Variants in GDAP1 observed in about 807,000 individuals in gnomAD.
The protein encoded by GDAP1 is ganglioside induced differentiation associated protein 1.
A neutral mutation model predicts 40.1 loss-of-function variants in GDAP1; 34 were observed. The ratio of observed to expected loss-of-function variants is 0.85; its 90% CI spans 0.64 to 1.13. GDAP1 has a LOEUF of 1.13. Among genes scored for constraint, GDAP1 ranks in the 50% most tolerant of loss-of-function variants. The probability of loss-of-function intolerance (pLI) is 0.00; values close to 1 mark genes in which losing one functional copy is unlikely to be tolerated. For missense variants in GDAP1, 374 were observed against 433.7 expected (o/e 0.86, Z 1.22); for synonymous variants, 170 against 157.4 (o/e 1.08, Z -0.60).
At chr8:74,471,347 T>C (rs1260756319) in intron 2 of GDAP1, among the ~76,000 whole-genome samples, 1 of 152,038 alleles carries the variant, frequency 6.6e-6, no homozygotes, top group African/African-American at 2.4e-5. Flanking sequence ...TCACTTCATC[T>C]TTTTTCCCTG....
chr8:74,388,753 G>T (rs1239662083), intron 2 of GDAP1, among the ~76,000 whole-genome samples: 1 of 152,178 alleles, frequency 6.6e-6, no homozygotes, highest in Non-Finnish European at 1.5e-5. Flanking sequence ...CTGTCTTGTT[G>T]ATCTGTCTAA....
Position 74,364,513 on chromosome 8 carries a change from G to A in GDAP1, c.*146G>A, listed in dbSNP as rs1360713312. 1.2e-6 allele frequency: 1 copy of A among 841,434 alleles called. No individual in the cohort carries two copies. Among genetic ancestry groups the A allele is most frequent in the South Asian group, 1.4e-5 (1 of 72,190 alleles). 52.1% of individuals were successfully genotyped at this position (841,434 alleles called of 1,614,324 possible). A position where few individuals can be genotyped will look rare whatever the true frequency, so the allele number is the denominator to read the frequency against. ...GTCATCTTTGTTACACAACACAGGG[G>A]TTCAGGTAGCAATAGGACACAAAAT... On this transcript the variant is annotated 3_prime_UTR_variant, in exon 6 of 6. Transcript: ENST00000220822.
intron 2 of GDAP1, among the ~76,000 whole-genome samples, chr8:74,408,226 TA>T (rs1400554521): frequency 1.3e-5 from 2 of 150,106 alleles, no homozygotes; most frequent in Non-Finnish European, 2.9e-5. Flanking sequence ...GGACGGGCTT[TA>T]AAAAAAATTC....
At chr8:74,374,362 A>G (rs1809815962) in intron 2 of GDAP1, among the ~76,000 whole-genome samples, 1 of 152,200 alleles carries the variant, frequency 6.6e-6, no homozygotes, top group Non-Finnish European at 1.5e-5. Flanking sequence ...CTCCGGTAGA[A>G]TGGGAAATTT....
intron 2 of GDAP1, among the ~76,000 whole-genome samples, chr8:74,415,970 A>T (rs1445468602): frequency 6.7e-6 from 1 of 149,684 alleles, no homozygotes; most frequent in Non-Finnish European, 1.5e-5. Flanking sequence ...ATGGACTAGG[A>T]GGGTCATGGC....
chr8:74,384,399 G>T (rs1809996457), intron 2 of GDAP1, among the ~76,000 whole-genome samples: 1 of 151,972 alleles, frequency 6.6e-6, no homozygotes. Context: ...TTTTCTTCAG[G>T]TCTTTTCTTT....
Position 74,365,983 on chromosome 8 carries a change from T to C in GDAP1, c.*1616T>C, listed in dbSNP as rs1213062911. On this transcript the variant is annotated 3_prime_UTR_variant, in exon 6 of 6. Coordinates refer to ENST00000220822, the MANE Select transcript of GDAP1 (RefSeq NM_018972.4). ...ATTAGTTCATAGTGTTTGAGTTCTT[T>C]ATGTCACTCTGTTAGAAACAAGAAC... 4 of 451,842 alleles carry C rather than the reference T, an allele frequency of 8.9e-6. No individual in the cohort carries two copies. Among genetic ancestry groups the C allele is most frequent in the African/African-American group, 4.0e-5 (2 of 49,964 alleles). The allele number at this position is 451,842 out of a possible 1,614,324, so 28.0% of individuals were successfully genotyped here.
At chr8:74,408,170 GA>G (rs1451339118) in intron 2 of GDAP1, among the ~76,000 whole-genome samples, 3 of 150,026 alleles carry the variant, frequency 2.0e-5, no homozygotes, top group Non-Finnish European at 4.4e-5. Context: ...TCCAAAATAA[GA>G]AAAGAGGAAG....
At chr8:74,422,294 TTTC>T (rs1209478153) in intron 2 of GDAP1, among the ~76,000 whole-genome samples, 3 of 24,194 alleles carry the variant, frequency 1.2e-4, no homozygotes, top group African/African-American at 4.0e-4. Context: ...CTTTTCTTTC[TTTC>T]TTTCTTTCTT....
At chr8:74,360,388 G>A in intron 3 of GDAP1, 78 bp downstream of exon 3, 1 of 1,207,764 alleles carries the variant, frequency 8.3e-7, no homozygotes, top group Non-Finnish European at 1.2e-6. Context: ...CATGTCTCAT[G>A]GTCACTAAAA....
intron 2 of GDAP1, among the ~76,000 whole-genome samples, chr8:74,482,310 A>C (rs562933667): frequency 1.3e-5 from 2 of 152,178 alleles, no homozygotes; most frequent in Non-Finnish European, 2.9e-5. Flanking sequence ...TGAATATATC[A>C]GCAAATTATC....
intron 2 of GDAP1, among the ~76,000 whole-genome samples, chr8:74,407,115 A>G (rs1416425576): frequency 2.0e-5 from 3 of 150,102 alleles, no homozygotes; most frequent in Admixed American, 6.6e-5. Context: ...GTACAAAAGA[A>G]AACTACATGT....
Position 74,365,193 on chromosome 8 carries a change from T to A in GDAP1, c.*826T>A. 2.2e-6 allele frequency: 1 copy of A among 454,104 alleles called. No individual in the cohort carries two copies. The highest frequency in any genetic ancestry group is 1.6e-5 in the South Asian group (1 of 64,474). 28.1% of individuals were successfully genotyped at this position (454,104 alleles called of 1,614,324 possible). ...ATTGGCTGGGTAGTGGGTATTTTGA[T>A]GATCTGGGAGCACCAAATATGTTCA... On this transcript the variant is annotated 3_prime_UTR_variant, in exon 6 of 6. Transcript: ENST00000220822.
chr8:74,404,985 G>A (rs1805618617), intron 2 of GDAP1, among the ~76,000 whole-genome samples: 1 of 149,880 alleles, frequency 6.7e-6, no homozygotes, highest in South Asian at 2.1e-4. Flanking sequence ...CTAATACAAT[G>A]TAAATTATAT....
chr8:74,410,221 G>C lies in GDAP1; in HGVS notation c.165+58900G>C, dbSNP rs191131910. 2.5e-4 allele frequency among the ~76,000 whole-genome samples: 37 copies of C among 150,040 alleles called. No homozygotes were observed. In the East Asian group the frequency reaches 5.8e-3, roughly 23 times the overall value. On this transcript the variant is annotated intron_variant, in intron 2 of 2. Coordinates refer to the GDAP1 transcript ENST00000523640. ...CTGGTGCCAACTCATCCACCAAGAC[G>C]TGAAGTCTGCTGAAAATTACAGCAT...
chr8:74,447,921 C>T (rs938485056), intron 2 of GDAP1, among the ~76,000 whole-genome samples: 16 of 152,120 alleles, frequency 1.1e-4, no homozygotes, highest in African/African-American at 3.6e-4. Context: ...GGTATTTCAT[C>T]GTGTATATGC....
Position 74,365,992 on chromosome 8 carries a change from C to G in GDAP1, c.*1625C>G, listed in dbSNP as rs973070562. The G allele has an allele frequency of 8.8e-6, 4 of 452,002 alleles. No homozygotes were observed. Among genetic ancestry groups the G allele is most frequent in the African/African-American group, 8.0e-5 (4 of 49,848 alleles). 28.0% of individuals were successfully genotyped at this position (452,002 alleles called of 1,614,324 possible). On this transcript the variant is annotated 3_prime_UTR_variant, in exon 6 of 6. Coordinates refer to ENST00000220822, the MANE Select transcript of GDAP1 (RefSeq NM_018972.4). ...TAGTGTTTGAGTTCTTTATGTCACTCTGTTAGAAACAAGAACTGAGTCGTG... is the reference window on the plus strand; with the variant it reads ...TAGTGTTTGAGTTCTTTATGTCACTGTGTTAGAAACAAGAACTGAGTCGTG...
chr8:74,368,172 A>G (rs1809692115), downstream of GDAP1, among the ~76,000 whole-genome samples: 4 of 152,230 alleles, frequency 2.6e-5, no homozygotes, highest in South Asian at 8.3e-4. Flanking sequence ...GTGAAACATA[A>G]TGAAAGGGTC....
At chr8:74,410,574 G>A (rs1805696732) in intron 2 of GDAP1, among the ~76,000 whole-genome samples, 2 of 150,158 alleles carry the variant, frequency 1.3e-5, no homozygotes, top group African/African-American at 2.5e-5. Flanking sequence ...GAGGAAAATG[G>A]GAGAAAAGTA....
Sources: gnomAD v4.1 joint callset for allele counts (sites outside exome capture counted in the v4.1 genomes callset) on GRCh38, gnomAD v4.1.1 for gene constraint, MANE v1.5 for transcripts, NCBI Gene and HGNC (gene_info 2026-07-23, HGNC 2026-07-21) for gene names.